DLGAP4: variants seen among roughly 807,000 people sequenced by gnomAD.
DLGAP4 encodes the protein disks large-associated protein 4.
In DLGAP4, 18 loss-of-function variants were observed where a neutral mutation model predicts 86.9. The ratio of observed to expected loss-of-function variants is 0.21; its 90% CI spans 0.14 to 0.31. The LOEUF (loss-of-function observed/expected upper bound fraction) is 0.31. Among genes scored for constraint, DLGAP4 ranks in the 10% least tolerant of loss-of-function variants. DLGAP4 has a pLI of 1.00. For missense variants in DLGAP4, 1,085 were observed against 1,362.6 expected (o/e 0.80, Z 3.21); for synonymous variants, 548 against 574.3 (o/e 0.95, Z 0.65).
chr20:36,358,816 T>TA (rs1461255444), intron 1 of DLGAP4, among the ~76,000 whole-genome samples: 1 of 151,380 alleles, frequency 6.6e-6, no homozygotes, highest in Admixed American at 6.6e-5. Context: ...TCAAAAAAAA[T>TA]AAAAAAAAGA....
At position 36,466,985 on chromosome 20, in the gene DLGAP4, C is replaced by T. The variant is rs541716414; in HGVS notation, c.1648+20048C>T. ...CTCTCTGTCTCTCTCCTCTCTCTCT[C>T]TCTCTGTCTCTGTCTCTCTCTCTCT... On this transcript the variant is annotated intron_variant, in intron 7 of 12. Coordinates refer to ENST00000339266, the MANE Select transcript of DLGAP4 (RefSeq NM_001365621.2). Among the ~76,000 whole-genome samples the T allele has an allele frequency of 9.7e-4, 145 of 149,432 alleles. 2 individuals carry two copies. Among genetic ancestry groups the T allele is most frequent in the African/African-American group, 2.7e-3 (108 of 40,144 alleles).
intron 1 of DLGAP4, among the ~76,000 whole-genome samples, chr20:36,321,064 G>A (rs907807973): frequency 1.3e-5 from 2 of 152,154 alleles, no homozygotes; most frequent in East Asian, 1.9e-4. Flanking sequence ...GTCTAGGAGC[G>A]GGATCATAGA....
chr20:36,499,746 T>A, intron 9 of DLGAP4, 70 bp downstream of exon 9: 1 of 1,389,366 alleles, frequency 7.2e-7, no homozygotes, highest in South Asian at 1.2e-5. Context: ...CCTCTCCTGC[T>A]CTCCCTAACC....
In DLGAP4 at chr20:36,387,879, C is replaced by T. The variant is rs1018145419; in HGVS notation, c.-73+20604C>T. On this transcript the variant is annotated intron_variant, in intron 2 of 12. Transcript: ENST00000339266. Reference sequence around the variant, plus strand: ...TCTTTGTCTATCTCTTTGTCTATTTCGGTTCTACACTAATCACTGTATCTC... The same window carrying T: ...TCTTTGTCTATCTCTTTGTCTATTTTGGTTCTACACTAATCACTGTATCTC... Among the ~76,000 whole-genome samples the T allele has an allele frequency of 5.3e-5, 8 of 152,114 alleles. 1 individual carries two copies. Among genetic ancestry groups the T allele is most frequent in the South Asian group, 4.1e-4 (2 of 4,824 alleles).
chr20:36,306,890 C>G lies in DLGAP4; in HGVS notation c.-304+378C>G, dbSNP rs561807740. ...GCTGCCAAAGCCTGGAAGCCCCCTCCTCAGGCCCGCCCCCTAATCCGCAGG... is the reference window on the plus strand; with the variant it reads ...GCTGCCAAAGCCTGGAAGCCCCCTCGTCAGGCCCGCCCCCTAATCCGCAGG... On this transcript the variant is annotated intron_variant, in intron 1 of 12. Transcript: ENST00000339266. This position sits in a 1 kb window ranked among gnomAD's most constrained non-coding sequence, Gnocchi z 4.9. Among the ~76,000 whole-genome samples, 180 of 152,304 alleles carry G rather than the reference C, an allele frequency of 1.2e-3. No homozygotes were observed. Among genetic ancestry groups the G allele is most frequent in the Admixed American group, 1.9e-3 (29 of 15,310 alleles).
At chr20:36,361,401 C>T (rs1375622186) in intron 1 of DLGAP4, among the ~76,000 whole-genome samples, 2 of 152,180 alleles carry the variant, frequency 1.3e-5, no homozygotes, top group Admixed American at 1.3e-4. Flanking sequence ...TCGAGGAACC[C>T]TGAGTCGAAT....
chr20:36,445,606 C>T (rs59270901), intron 6 of DLGAP4, among the ~76,000 whole-genome samples: 6 of 152,316 alleles, frequency 3.9e-5, no homozygotes, highest in Admixed American at 1.3e-4. Context: ...GATGAGAATG[C>T]GAGCACCTAT....
At chr20:36,509,559 A>G (rs889824004) in intron 10 of DLGAP4, among the ~76,000 whole-genome samples, 2 of 152,120 alleles carry the variant, frequency 1.3e-5, no homozygotes, top group African/African-American at 4.8e-5. Flanking sequence ...TGACAGAGCT[A>G]GACTCCATCT....
intron 2 of DLGAP4, among the ~76,000 whole-genome samples, chr20:36,388,521 A>G (rs2031678635): frequency 2.0e-5 from 3 of 152,096 alleles, no homozygotes; most frequent in Admixed American, 6.6e-5. Flanking sequence ...CCCAAACTCA[A>G]TAACCCCGGT....
intron 1 of DLGAP4, among the ~76,000 whole-genome samples, chr20:36,329,047 T>A (rs1253568156): frequency 6.6e-6 from 1 of 152,206 alleles, no homozygotes; most frequent in Non-Finnish European, 1.5e-5. Flanking sequence ...GTGCTGGGAT[T>A]ACAGGTGTGA....
At chr20:36,458,939 GA>G (rs2147607806) in intron 7 of DLGAP4, among the ~76,000 whole-genome samples, 1 of 152,274 alleles carries the variant, frequency 6.6e-6, no homozygotes, top group East Asian at 1.9e-4. Context: ...GCTAAGGGGT[GA>G]TGAGAAGGAA....
intron 1 of DLGAP4, among the ~76,000 whole-genome samples, chr20:36,353,502 T>G (rs2030228284): frequency 1.3e-5 from 2 of 152,378 alleles, no homozygotes; most frequent in South Asian, 4.1e-4. Context: ...CTGATCTTTT[T>G]GAGGACTCTT....
intron 1 of DLGAP4, among the ~76,000 whole-genome samples, chr20:36,336,221 G>A (rs1398241427): frequency 6.6e-6 from 1 of 152,140 alleles, no homozygotes; most frequent in Non-Finnish European, 1.5e-5. Flanking sequence ...CCACAGAGCT[G>A]AAGTTTCTGG....
rs569060035 is a variant in DLGAP4 at position 36,461,791 on chromosome 20, C to T, written c.1648+14854C>T. 116 of 969,182 alleles carry T rather than the reference C, an allele frequency of 1.2e-4. No homozygotes were observed. In the African/African-American group the frequency reaches 2.0e-3, roughly 17 times the overall value. 60.0% of individuals were successfully genotyped at this position (969,182 alleles called of 1,614,324 possible). ...CGCCCGCGCTTCCGTCCTGTCCAGC[C>T]GCCAGTCCTCCAGCCCGTGTCCCCG... On this transcript the variant is annotated intron_variant, in intron 7 of 12. Coordinates refer to ENST00000339266, the MANE Select transcript of DLGAP4 (RefSeq NM_001365621.2).
At chr20:36,435,366 G>A (rs758455125) in intron 3 of DLGAP4, among the ~76,000 whole-genome samples, 39 of 152,176 alleles carry the variant, frequency 2.6e-4, no homozygotes, top group African/African-American at 8.7e-4. Context: ...AGCAGAGCCC[G>A]GCTCAGAAGG....
chr20:36,436,451 C>T (rs1363040445), intron 4 of DLGAP4, 101 bp downstream of exon 4: 6 of 1,425,252 alleles, frequency 4.2e-6, no homozygotes, highest in Non-Finnish European at 5.5e-6. Context: ...ATAAGCCCCG[C>T]CTGCGTGGGA....
intron 1 of DLGAP4, among the ~76,000 whole-genome samples, chr20:36,307,070 G>A (rs1234726038): frequency 1.3e-5 from 2 of 152,086 alleles, no homozygotes; most frequent in Admixed American, 1.3e-4. Flanking sequence ...CCCTTCCCGA[G>A]CTCTTTCCCT....
intron 3 of DLGAP4, among the ~76,000 whole-genome samples, chr20:36,434,743 A>C (rs1435386540): frequency 2.6e-5 from 4 of 152,120 alleles, no homozygotes; most frequent in African/African-American, 9.7e-5. Context: ...CTGGAGTGGG[A>C]GTCCTGGACA....
chr20:36,372,919 A>T (rs1400973091), intron 2 of DLGAP4, among the ~76,000 whole-genome samples: 1 of 152,222 alleles, frequency 6.6e-6, no homozygotes, highest in East Asian at 1.9e-4. Context: ...GTTGTGTGAC[A>T]TCCGGATTTG....
Sources: allele counts gnomAD v4.1 joint callset (sites outside exome capture counted in the v4.1 genomes callset), GRCh38; gene constraint gnomAD v4.1.1; non-coding constraint Gnocchi (gnomAD v3.1); transcripts MANE v1.5; gene names NCBI Gene and HGNC (gene_info 2026-07-23, HGNC 2026-07-21).